The following CDCA2 variants were observed in gnomAD, a reference collection of about 807,000 sequenced individuals.
CDCA2 encodes the protein cell division cycle-associated protein 2.
A neutral mutation model predicts 67.0 loss-of-function variants in CDCA2; 44 were observed. The ratio of observed to expected loss-of-function variants is 0.66; its 90% CI spans 0.52 to 0.84. The LOEUF (loss-of-function observed/expected upper bound fraction) is 0.84, where lower values mean the gene tolerates loss of function less well. CDCA2 is among the 40% of genes least tolerant of loss of function. The pLI is 0.00. For missense variants in CDCA2, 1,253 were observed against 1,203.2 expected, an observed-to-expected ratio of 1.04 and a Z score of -0.61; for synonymous variants, 447 against 418.7, an observed-to-expected ratio of 1.07 and a Z score of -0.82.
chr8:25,468,552 T>C (rs1446990965), intron 6 of CDCA2, 139 bp downstream of exon 6: 3 of 501,184 alleles, frequency 6.0e-6, no homozygotes, highest in African/African-American at 5.9e-5. Flanking sequence ...TGTGTGTGTG[T>C]GTGTGCGTGT....
In CDCA2 at chr8:25,487,335, G is replaced by T. The variant is rs775809553; in HGVS notation, c.1533+1G>T. On this transcript the variant is annotated splice_donor_variant, in intron 12 of 14. Transcript: ENST00000330560. LOFTEE classifies it high-confidence loss of function. ...AACAAGGACTTCTAACAGAAGAAATGTAAGTGTTTGTGTTTGGCACAACGT... is the reference window on the plus strand; with the variant it reads ...AACAAGGACTTCTAACAGAAGAAATTTAAGTGTTTGTGTTTGGCACAACGT... 1 of 1,573,724 alleles carries T rather than the reference G, an allele frequency of 6.4e-7. No homozygotes were observed. Among genetic ancestry groups the T allele is most frequent in the South Asian group, 1.1e-5 (1 of 89,074 alleles).
chr8:25,466,411 A>C, intron 5 of CDCA2, 86 bp downstream of exon 5: 2 of 1,245,568 alleles, frequency 1.6e-6, no homozygotes, highest in Non-Finnish European at 2.2e-6. Context: ...TGTGAAGCCA[A>C]TCTTTTCAGA....
At chr8:25,462,247 A>G (rs763012259) in intron 4 of CDCA2, 39 bp downstream of exon 4, 3 of 1,601,326 alleles carry the variant, frequency 1.9e-6, no homozygotes, top group Admixed American at 1.7e-5. Context: ...AATTCCGTTA[A>G]TGAAGCTTTT....
intron 13 of CDCA2, among the ~76,000 whole-genome samples, chr8:25,493,132 A>G (rs1804078037): frequency 3.3e-5 from 5 of 152,212 alleles, no homozygotes; most frequent in Admixed American, 3.3e-4. Flanking sequence ...GACATTCAAG[A>G]TATATATTTT....
chr8:25,488,571 A>G lies in CDCA2; in HGVS notation c.1553A>G (p.Glu518Gly). Residue 518 changes from glutamate (E) to glycine (G), a missense_variant, in exon 13 of 15, where the codon GAA becomes GGA. Transcript: ENST00000330560. The part of the protein sequence containing the change: ...NRRNQLVSVV[E>G]ESVCNLLNTE... ...TTATAGCAATTGGTCAGTGTTGTAG[A>G]AGAGAGTGTTTGCAACTTATTGAAT... 1 of 1,610,944 alleles carries G rather than the reference A, an allele frequency of 6.2e-7. No homozygotes were observed. The highest frequency in any genetic ancestry group is 8.5e-7 in the Non-Finnish European group (1 of 1,179,042).
chr8:25,502,002 A>G (rs749126189), intron 13 of CDCA2, among the ~76,000 whole-genome samples: 4 of 151,912 alleles, frequency 2.6e-5, no homozygotes, highest in East Asian at 1.9e-4. Context: ...GGTTCATGCA[A>G]TTCTCCTGCC....
Position 25,507,695 on chromosome 8 carries a change from C to T in CDCA2, c.3029C>T (p.Thr1010Ile), listed in dbSNP as rs1429731653. Residue 1010 changes from threonine to isoleucine, a missense_variant, in exon 15 of 15, where the codon ACT (threonine) becomes ATT (isoleucine). Coordinates refer to ENST00000330560, the MANE Select transcript of CDCA2 (RefSeq NM_152562.4). Reference sequence around the variant, plus strand: ...AATGGGAAGGGAGAGAGCTCTCTGACTGCCTTGGAAAGGATTGAACATAAT... The same window carrying T: ...AATGGGAAGGGAGAGAGCTCTCTGATTGCCTTGGAAAGGATTGAACATAAT... ...SLNGKGESSL[T>I]ALERIEHNGE... is the part of the protein sequence containing the mutation. The T allele has an allele frequency of 1.2e-6, 2 of 1,613,842 alleles. No homozygotes were observed. The highest frequency in any genetic ancestry group is 1.7e-6 in the Non-Finnish European group (2 of 1,179,912).
chr8:25,477,806 T>C (rs1393982674), intron 7 of CDCA2, among the ~76,000 whole-genome samples: 1 of 152,228 alleles, frequency 6.6e-6, no homozygotes, highest in Non-Finnish European at 1.5e-5. Flanking sequence ...TAGGTCTTGA[T>C]GATTTTTTCC....
At position 25,462,369 on chromosome 8, in the gene CDCA2, A is replaced by G. The variant is rs113375299; in HGVS notation, c.387+161A>G. On this transcript the variant is annotated intron_variant, in intron 4 of 14. Transcript: ENST00000330560. Reference sequence around the variant, plus strand: ...CGGCCGGGCGCGGTGGCTCACGCCTATAATCCCAGTACTCTGGGAGGCTGA... The same window carrying G: ...CGGCCGGGCGCGGTGGCTCACGCCTGTAATCCCAGTACTCTGGGAGGCTGA... Among the ~76,000 whole-genome samples the G allele has an allele frequency of 3.0e-4, 45 of 152,258 alleles. No individual in the cohort carries two copies. The South Asian group carries it at 5.8e-3, about 20-fold the overall frequency.
At chr8:25,485,931 T>TA (rs1201979914) in intron 11 of CDCA2, 94 bp downstream of exon 11, 1 of 649,354 alleles carries the variant, frequency 1.5e-6, no homozygotes, top group Admixed American at 3.2e-5. Flanking sequence ...TCATATTTGT[T>TA]ACCACAACAT....
intron 2 of CDCA2, 41 bp downstream of exon 2, chr8:25,460,341 A>T (rs760178983): frequency 2.5e-6 from 4 of 1,614,144 alleles, no homozygotes; most frequent in Non-Finnish European, 2.5e-6. Flanking sequence ...GAAGGTTTAG[A>T]CAGAGAGTTG....
intron 4 of CDCA2, among the ~76,000 whole-genome samples, chr8:25,464,837 A>T (rs1472027904): frequency 6.6e-6 from 1 of 152,204 alleles, no homozygotes; most frequent in African/African-American, 2.4e-5. Flanking sequence ...TTGTGTCATC[A>T]AGGATATTTC....
chr8:25,484,213 A>G lies in CDCA2; in HGVS notation c.1365+3A>G. 2 of 1,612,704 alleles carry G rather than the reference A, an allele frequency of 1.2e-6. No individual in the cohort carries two copies. Among genetic ancestry groups the G allele is most frequent in the South Asian group, 2.2e-5 (2 of 91,048 alleles). ...TTGATGACAAGGGGGAGAATCTTGT[A>G]AGTATGAAAAGCGTGGAACAAGCTT... is the stretch of plus-strand genomic sequence containing the variant. On this transcript the variant is annotated splice_donor_region_variant and intron_variant, in intron 10 of 14. Transcript: ENST00000330560.
At chr8:25,473,053 T>C (rs1384036248) in intron 7 of CDCA2, among the ~76,000 whole-genome samples, 1 of 152,194 alleles carries the variant, frequency 6.6e-6, no homozygotes, top group African/African-American at 2.4e-5. Context: ...ATTCAACTCT[T>C]TACTTCAATA....
At chr8:25,478,412 C>G (rs1003438960) in intron 7 of CDCA2, among the ~76,000 whole-genome samples, 6 of 152,190 alleles carry the variant, frequency 3.9e-5, no homozygotes, top group Admixed American at 6.5e-5. Context: ...TGCTTCCCCT[C>G]TTTCCCCAAT....
At chr8:25,463,097 C>T (rs1041229444) in intron 4 of CDCA2, among the ~76,000 whole-genome samples, 10 of 151,906 alleles carry the variant, frequency 6.6e-5, no homozygotes, top group Non-Finnish European at 1.3e-4. Context: ...GCACTACTAC[C>T]TTTTTAAGAG....
At position 25,488,627 on chromosome 8, in the gene CDCA2, A is replaced by G. The variant is rs1298448655; in HGVS notation, c.1609A>G (p.Ile537Val). 6.2e-7 allele frequency: 1 copy of G among 1,613,286 alleles called. No homozygotes were observed. The highest frequency in any genetic ancestry group is 8.5e-7 in the Non-Finnish European group (1 of 1,179,720). Residue 537 changes from isoleucine (I) to valine (V), a missense_variant, in exon 13 of 15, where the codon ATT (isoleucine) becomes GTT (valine). Transcript: ENST00000330560. The part of the protein sequence containing the change: ...TEVQPCKEKK[I>V]NRRKSQETKC... ...AGTTCAGCCTTGTAAAGAAAAGAAA[A>G]TTAATAGGAGGAAGTCTCAAGAAAC...
chr8:25,495,563 T>C (rs1244911454), intron 13 of CDCA2, among the ~76,000 whole-genome samples: 1 of 152,106 alleles, frequency 6.6e-6, no homozygotes, highest in Non-Finnish European at 1.5e-5. Context: ...TACAGGCACC[T>C]GCCACCACGC....
chr8:25,467,205 C>CA (rs1802949561), intron 5 of CDCA2, among the ~76,000 whole-genome samples: 2 of 151,412 alleles, frequency 1.3e-5, no homozygotes, highest in Non-Finnish European at 2.9e-5. Context: ...CAGAATGTGA[C>CA]AAAATCTTGG....
Sources: gnomAD v4.1 joint callset for allele counts (sites outside exome capture counted in the v4.1 genomes callset) on GRCh38, gnomAD v4.1.1 for gene constraint, MANE v1.5 for transcripts, NCBI Gene and HGNC (gene_info 2026-07-23, HGNC 2026-07-21) for gene names.